GRAMD1B: variants seen among roughly 807,000 people sequenced by gnomAD.
GRAMD1B encodes protein Aster-B.
Under a neutral mutation model 99.7 loss-of-function variants are expected in GRAMD1B, and 37 were observed. The ratio of observed to expected loss-of-function variants is 0.37; its 90% CI spans 0.29 to 0.49. GRAMD1B has a LOEUF of 0.49. GRAMD1B is among the 20% of genes least tolerant of loss of function. The pLI is 0.98. For synonymous variants in GRAMD1B, 427 were observed against 387.6 expected (o/e 1.10, Z -1.19); for missense variants, 888 against 1,009.2 (o/e 0.88, Z 1.63).
chr11:123,596,378 A>G (rs932529509), intron 7 of GRAMD1B, among the ~76,000 whole-genome samples: 4 of 152,246 alleles, frequency 2.6e-5, no homozygotes, highest in African/African-American at 9.6e-5. Flanking sequence ...AATATCACAT[A>G]TATGAAAACA....
chr11:123,468,407 C>T (rs1253104108), intron 1 of GRAMD1B, among the ~76,000 whole-genome samples: 1 of 152,138 alleles, frequency 6.6e-6, no homozygotes, highest in Non-Finnish European at 1.5e-5. Flanking sequence ...ACAATGGGAC[C>T]ATCGCTCTCA....
At chr11:123,555,760 G>A (rs897678843) in intron 2 of GRAMD1B, among the ~76,000 whole-genome samples, 4 of 151,932 alleles carry the variant, frequency 2.6e-5, no homozygotes, top group African/African-American at 7.3e-5. Flanking sequence ...TTAAAACGGA[G>A]TTTTGCTCTT....
intron 7 of GRAMD1B, chr11:123,599,595 C>A (rs1293097137): frequency 2.5e-6 from 1 of 392,968 alleles, no homozygotes; most frequent in East Asian, 6.0e-5. Flanking sequence ...GCCTCAGCCT[C>A]CGGAATAGCT....
chr11:123,604,438 A>G (rs193008079), intron 9 of GRAMD1B, among the ~76,000 whole-genome samples: 2 of 152,334 alleles, frequency 1.3e-5, no homozygotes, highest in East Asian at 3.9e-4. Flanking sequence ...TTGTCACTGT[A>G]TCACATGCTG....
At chr11:123,460,300 G>A (rs1456086005) in intron 1 of GRAMD1B, 2 of 152,128 alleles carry the variant, frequency 1.3e-5, no homozygotes, top group Admixed American at 1.3e-4. Flanking sequence ...GGAAACAGAT[G>A]AATTATAGTA....
chr11:123,410,249 CA>C (rs1947995364), intron 1 of GRAMD1B, among the ~76,000 whole-genome samples: 2 of 150,978 alleles, frequency 1.3e-5, no homozygotes, highest in Non-Finnish European at 3.0e-5. Flanking sequence ...AAACAAAAAA[CA>C]AACAAACAAA....
chr11:123,528,375 A>G (rs1466243121), intron 2 of GRAMD1B, among the ~76,000 whole-genome samples: 3 of 152,242 alleles, frequency 2.0e-5, no homozygotes, highest in Non-Finnish European at 4.4e-5. Context: ...AATGCCTACT[A>G]TGGGTTGGTG....
chr11:123,429,064 G>A (rs569978453), upstream of GRAMD1B, among the ~76,000 whole-genome samples: 26 of 152,162 alleles, frequency 1.7e-4, no homozygotes, highest in South Asian at 2.3e-3. This position sits in a 1 kb window ranked among gnomAD's most constrained non-coding sequence, Gnocchi z 4.0. Context: ...GTGGTGGTGC[G>A]CACCTGTACT....
chr11:123,623,561 T>G lies in GRAMD1B; in HGVS notation c.*966T>G, dbSNP rs1955334376. The G allele has an allele frequency of 6.6e-6, 1 of 151,496 alleles. No homozygotes were observed. The highest frequency in any genetic ancestry group is 1.5e-5 in the Non-Finnish European group (1 of 67,966). The allele number at this position is 151,496 out of a possible 1,614,324, so 9.4% of individuals were successfully genotyped here. On this transcript the variant is annotated 3_prime_UTR_variant, in exon 20 of 20. Coordinates refer to ENST00000635736, the MANE Select transcript of GRAMD1B (RefSeq NM_001387025.1). ...GGATGAGTCAGGGTGTGCTGGGCCC[T>G]CCAGGATTTGAGAGAGGGAGAGAAG...
At chr11:123,546,077 C>T (rs369794738) in intron 2 of GRAMD1B, among the ~76,000 whole-genome samples, 1 of 152,242 alleles carries the variant, frequency 6.6e-6, no homozygotes, top group Non-Finnish European at 1.5e-5. Context: ...GCTCACTGAC[C>T]TCTTTGGATG....
chr11:123,556,172 T>C (rs1049362173), intron 2 of GRAMD1B, among the ~76,000 whole-genome samples: 11 of 152,238 alleles, frequency 7.2e-5, no homozygotes, highest in African/African-American at 2.4e-4. Context: ...ATGACTATGC[T>C]TCAGAAAAGC....
At chr11:123,433,294 C>T (rs1948990265) in intron 1 of GRAMD1B, among the ~76,000 whole-genome samples, 2 of 152,126 alleles carry the variant, frequency 1.3e-5, no homozygotes. Context: ...GGGAGAATTG[C>T]TTGAACCCGG....
At chr11:123,580,493 CA>C (rs1477422227) in intron 3 of GRAMD1B, among the ~76,000 whole-genome samples, 3 of 152,196 alleles carry the variant, frequency 2.0e-5, no homozygotes, top group Non-Finnish European at 4.4e-5. Flanking sequence ...GCAAGCTGGC[CA>C]GTGCCTCTGC....
intron 1 of GRAMD1B, among the ~76,000 whole-genome samples, chr11:123,371,475 C>T (rs1391308751): frequency 6.6e-6 from 1 of 152,144 alleles, no homozygotes; most frequent in African/African-American, 2.4e-5. Context: ...CAATGCCTTA[C>T]AATAAATTTG....
chr11:123,472,147 GA>G (rs1450772289), intron 1 of GRAMD1B, among the ~76,000 whole-genome samples: 2 of 151,330 alleles, frequency 1.3e-5, no homozygotes, highest in African/African-American at 4.9e-5. Context: ...GTGGGAACTT[GA>G]ACTCAGGAGG....
At chr11:123,594,988 C>T in intron 6 of GRAMD1B, 150 bp downstream of exon 6, 1 of 626,076 alleles carries the variant, frequency 1.6e-6, no homozygotes, top group Admixed American at 2.6e-5. Context: ...ATATTCAATT[C>T]TAAGTCCCAA....
At chr11:123,393,799 C>A (rs972016188) in intron 1 of GRAMD1B, among the ~76,000 whole-genome samples, 5 of 152,168 alleles carry the variant, frequency 3.3e-5, no homozygotes, top group Non-Finnish European at 7.3e-5. Context: ...ACTACACAGG[C>A]TTGAACACCA....
At chr11:123,511,981 A>G (rs1458355311) in intron 2 of GRAMD1B, among the ~76,000 whole-genome samples, 1 of 152,336 alleles carries the variant, frequency 6.6e-6, no homozygotes, top group South Asian at 2.1e-4. Flanking sequence ...AGATCTGTCA[A>G]ATTCTCAGTT....
At position 123,430,360 on chromosome 11, in the gene GRAMD1B, A is replaced by G. The variant is rs1203253538; in HGVS notation, c.-433A>G. On this transcript the variant is annotated 5_prime_UTR_variant, in exon 1 of 20. Coordinates refer to ENST00000635736, the MANE Select transcript of GRAMD1B (RefSeq NM_001387025.1). ...CCTGCAGCGCCAAGCCGGCTCCCCA[A>G]CCTGGTCTGCTGAACGCAAACCGCT... 5.7e-6 allele frequency: 1 copy of G among 174,468 alleles called. No homozygotes were observed. Among genetic ancestry groups the G allele is most frequent in the African/African-American group, 2.4e-5 (1 of 41,764 alleles). The allele number at this position is 174,468 out of a possible 1,614,324, so 10.8% of individuals were successfully genotyped here. A position where few individuals can be genotyped will look rare whatever the true frequency, so the allele number is the denominator to read the frequency against.
Sources: allele counts gnomAD v4.1 joint callset (sites outside exome capture counted in the v4.1 genomes callset), GRCh38; gene constraint gnomAD v4.1.1; non-coding constraint Gnocchi (gnomAD v3.1); transcripts MANE v1.5; gene names NCBI Gene and HGNC (gene_info 2026-07-23, HGNC 2026-07-21).